The following NEO1 variants were observed in gnomAD, a reference collection of about 807,000 sequenced individuals.
The protein encoded by NEO1 is neogenin.
In NEO1, 63 loss-of-function variants were observed where a neutral mutation model predicts 159.7. The ratio of observed to expected loss-of-function variants is 0.39; its 90% CI spans 0.32 to 0.49. The LOEUF (loss-of-function observed/expected upper bound fraction) is 0.49. Ranked by LOEUF, NEO1 falls within the 20% of genes least tolerant of loss-of-function variation. The pLI, the probability that NEO1 is intolerant of heterozygous loss-of-function variation, is 0.85. For missense variants in NEO1, 1,615 were observed against 1,831.0 expected, an observed-to-expected ratio of 0.88 and a Z score of 2.15; for synonymous variants, 633 against 662.0, an observed-to-expected ratio of 0.96 and a Z score of 0.67.
At chr15:73,228,944 A>G (rs762094002) in intron 7 of NEO1, among the ~76,000 whole-genome samples, 3 of 152,160 alleles carry the variant, frequency 2.0e-5, no homozygotes, top group African/African-American at 7.2e-5. Flanking sequence ...GTGCCTATTC[A>G]TATGTCTTGA....
At chr15:73,250,427 T>C (rs2040014796) in intron 11 of NEO1, among the ~76,000 whole-genome samples, 1 of 152,166 alleles carries the variant, frequency 6.6e-6, no homozygotes, top group Non-Finnish European at 1.5e-5. Flanking sequence ...ATACCGCTCT[T>C]ACGTAAACAC....
rs1333131929 is a variant in NEO1, at chr15:73,133,703, A to G, written c.879-2188A>G. On this transcript the variant is annotated intron_variant, in intron 4 of 28. Transcript: ENST00000261908. The stretch of plus-strand genomic sequence containing the variant: ...CCATTGGCTGTATATATTTTTTCAC[A>G]TTGTTTTTTTTCTTTGCCTGCATCT... Among the ~76,000 whole-genome samples the G allele has an allele frequency of 2.6e-5, 4 of 152,014 alleles. No individual in the cohort carries two copies. The East Asian group carries it at 7.7e-4, about 29-fold the overall frequency.
intron 7 of NEO1, among the ~76,000 whole-genome samples, chr15:73,212,311 G>T (rs756926319): frequency 1.1e-4 from 16 of 152,282 alleles, no homozygotes; most frequent in Non-Finnish European, 1.5e-4. Flanking sequence ...CTGAAGGTCA[G>T]TTGGCTTGAG....
At chr15:73,221,197 AC>A (rs1176684371) in intron 7 of NEO1, among the ~76,000 whole-genome samples, 7 of 152,080 alleles carry the variant, frequency 4.6e-5, no homozygotes, top group Admixed American at 4.6e-4. Flanking sequence ...TCCACTCCAG[AC>A]CCTGTTTGCC....
At chr15:73,100,020 C>T (rs1162172583) in intron 1 of NEO1, among the ~76,000 whole-genome samples, 5 of 152,172 alleles carry the variant, frequency 3.3e-5, no homozygotes, top group East Asian at 3.9e-4. Flanking sequence ...ACGTCTTCCT[C>T]TCCATTCCAA....
intron 7 of NEO1, among the ~76,000 whole-genome samples, chr15:73,222,739 A>T (rs974471586): frequency 2.0e-5 from 3 of 151,962 alleles, no homozygotes; most frequent in African/African-American, 7.3e-5. Flanking sequence ...AATAAATTTT[A>T]ATTTATCTTT....
chr15:73,091,146 A>G (rs2069667649), intron 1 of NEO1, among the ~76,000 whole-genome samples: 1 of 152,238 alleles, frequency 6.6e-6, no homozygotes, highest in South Asian at 2.1e-4. Context: ...TAATAACAGC[A>G]TACCATAATT....
At chr15:73,195,662 G>A (rs1164540645) in intron 7 of NEO1, among the ~76,000 whole-genome samples, 2 of 152,060 alleles carry the variant, frequency 1.3e-5, no homozygotes, top group East Asian at 1.9e-4. Flanking sequence ...TATTGCCTGA[G>A]TTTCCCCTTA....
chr15:73,149,550 T>G (rs1006710915), intron 5 of NEO1, among the ~76,000 whole-genome samples: 2 of 152,316 alleles, frequency 1.3e-5, no homozygotes, highest in Admixed American at 1.3e-4. Context: ...GTGTCAACTA[T>G]GTCTTTGAGA....
intron 1 of NEO1, among the ~76,000 whole-genome samples, chr15:73,113,103 T>C (rs2071094425): frequency 2.6e-5 from 4 of 152,092 alleles, no homozygotes. Flanking sequence ...TTAGTTACTA[T>C]AGCTTTATAC....
chr15:73,148,854 G>GT (rs558373137), intron 5 of NEO1, among the ~76,000 whole-genome samples: 2,219 of 141,056 alleles, frequency 0.016, 40 homozygotes, highest in African/African-American at 0.043. Context: ...TTTCAAACTT[G>GT]TTTTTTTTTT....
intron 4 of NEO1, among the ~76,000 whole-genome samples, chr15:73,129,092 G>A (rs1422228132): frequency 6.6e-6 from 1 of 152,208 alleles, no homozygotes; most frequent in African/African-American, 2.4e-5. Context: ...CAGTGTTGGT[G>A]GTGTTCACAT....
intron 1 of NEO1, among the ~76,000 whole-genome samples, chr15:73,092,028 TC>T (rs1292448387): frequency 1.3e-5 from 2 of 152,186 alleles, no homozygotes; most frequent in African/African-American, 4.8e-5. Context: ...AATTGAACTC[TC>T]TATTCAGATG....
intron 14 of NEO1, among the ~76,000 whole-genome samples, chr15:73,259,427 A>T (rs1207866526): frequency 7.0e-6 from 1 of 142,346 alleles, no homozygotes; most frequent in Non-Finnish European, 1.5e-5. Context: ...GAGTGCAGTC[A>T]TGGTTCACTG....
chr15:73,273,513 T>G (rs1350740353), intron 19 of NEO1, among the ~76,000 whole-genome samples: 2 of 152,192 alleles, frequency 1.3e-5, no homozygotes, highest in Non-Finnish European at 2.9e-5. Flanking sequence ...GATTCATGGT[T>G]GTGATGCTTC....
intron 1 of NEO1, among the ~76,000 whole-genome samples, chr15:73,077,819 T>C (rs1315332024): frequency 1.3e-5 from 2 of 152,166 alleles, no homozygotes; most frequent in African/African-American, 4.8e-5. Flanking sequence ...CTTTGGGTTT[T>C]CTAAAAATGA....
chr15:73,295,227 A>T (rs979730934), intron 26 of NEO1, among the ~76,000 whole-genome samples: 1 of 151,034 alleles, frequency 6.6e-6, no homozygotes, highest in African/African-American at 2.4e-5. Flanking sequence ...CAAGATGGAC[A>T]GTTACTCCAG....
intron 8 of NEO1, among the ~76,000 whole-genome samples, chr15:73,237,088 C>T (rs542380771): frequency 6.6e-6 from 1 of 152,286 alleles, no homozygotes; most frequent in African/African-American, 2.4e-5. Flanking sequence ...ATGTAACTGA[C>T]TTTCTAGTGA....
intron 7 of NEO1, among the ~76,000 whole-genome samples, chr15:73,235,390 TCTA>T (rs1437115506): frequency 6.6e-6 from 1 of 152,198 alleles, no homozygotes; most frequent in Non-Finnish European, 1.5e-5. Flanking sequence ...GGAATAAAAT[TCTA>T]CTATCAGGAC....
Sources: allele counts gnomAD v4.1 joint callset (sites outside exome capture counted in the v4.1 genomes callset), GRCh38; gene constraint gnomAD v4.1.1; transcripts MANE v1.5; gene names NCBI Gene and HGNC (gene_info 2026-07-23, HGNC 2026-07-21).